REDIC1: variants seen among roughly 807,000 people sequenced by gnomAD.
REDIC1 encodes HEI10 Interacting Protein 1.
the REDIC1 span, among the ~76,000 whole-genome samples, chr12:39,821,764 G>A: frequency 1.3e-5 from 2 of 152,094 alleles, no homozygotes; most frequent in East Asian, 3.9e-4. Context: ...TAATTTCCTT[G>A]GCCAGAACAG....
the REDIC1 span, among the ~76,000 whole-genome samples, chr12:39,905,258 C>A: frequency 1.8e-4 from 27 of 152,016 alleles, no homozygotes; most frequent in South Asian, 5.6e-3. Flanking sequence ...TAGAACACAC[C>A]CTGCATTCAT....
At chr12:39,650,906 T>G in the REDIC1 span, among the ~76,000 whole-genome samples, 16 of 152,336 alleles carry the variant, frequency 1.1e-4, no homozygotes, top group African/African-American at 3.6e-4. The surrounding 1 kb of genome is among the most constrained non-coding windows in gnomAD (Gnocchi z 4.3). Context: ...CTCCATGAAT[T>G]ACTGTTTTCT....
At chr12:39,720,428 G>A in the REDIC1 span, among the ~76,000 whole-genome samples, 5 of 152,054 alleles carry the variant, frequency 3.3e-5, no homozygotes, top group African/African-American at 1.2e-4. Context: ...TTTAAGTGGA[G>A]GAAGTATGCT....
At chr12:39,702,438 A>C in the REDIC1 span, among the ~76,000 whole-genome samples, 1 of 152,214 alleles carries the variant, frequency 6.6e-6, no homozygotes, top group Non-Finnish European at 1.5e-5. Context: ...TGTGGCAATA[A>C]TCAATAGCTT....
At chr12:39,643,318 T>A in the REDIC1 span, among the ~76,000 whole-genome samples, 1 of 151,670 alleles carries the variant, frequency 6.6e-6, no homozygotes, top group African/African-American at 2.4e-5. Context: ...AAATTGGCTT[T>A]GGTTGCAGAT....
chr12:39,820,398 G>T, the REDIC1 span, among the ~76,000 whole-genome samples: 1 of 152,122 alleles, frequency 6.6e-6, no homozygotes, highest in Admixed American at 6.5e-5. Flanking sequence ...ATTGGCATTG[G>T]TTCATGAATG....
the REDIC1 span, among the ~76,000 whole-genome samples, chr12:39,780,179 A>G: frequency 6.6e-6 from 1 of 152,010 alleles, no homozygotes; most frequent in Admixed American, 6.6e-5. Flanking sequence ...TCAAAGCAAT[A>G]GCATCATTAT....
the REDIC1 span, among the ~76,000 whole-genome samples, chr12:39,749,802 A>G: frequency 5.9e-5 from 9 of 152,188 alleles, no homozygotes; most frequent in Admixed American, 4.6e-4. Context: ...TATAAACAGA[A>G]CCAAAGACAA....
the REDIC1 span, among the ~76,000 whole-genome samples, chr12:39,711,753 GCA>G: frequency 0.029 from 2,899 of 100,298 alleles, 222 homozygotes; most frequent in African/African-American, 0.082. Flanking sequence ...GTATACACAT[GCA>G]TGTGTATGTG....
the REDIC1 span, among the ~76,000 whole-genome samples, chr12:39,715,938 G>A: frequency 2.0e-5 from 3 of 151,856 alleles, no homozygotes; most frequent in African/African-American, 7.3e-5. Context: ...CTGCTTTTCG[G>A]GGGTATAAAT....
the REDIC1 span, among the ~76,000 whole-genome samples, chr12:39,692,631 C>G: frequency 6.6e-6 from 1 of 151,732 alleles, no homozygotes; most frequent in South Asian, 2.1e-4. Context: ...ATACAGCATT[C>G]TACTGTATGA....
At chr12:39,762,103 C>T in the REDIC1 span, among the ~76,000 whole-genome samples, 3 of 152,126 alleles carry the variant, frequency 2.0e-5, no homozygotes, top group South Asian at 2.1e-4. Flanking sequence ...ATCCAAAGCA[C>T]GCAAATGCCA....
chr12:39,781,089 T>C, the REDIC1 span, among the ~76,000 whole-genome samples: 78 of 152,194 alleles, frequency 5.1e-4, no homozygotes, highest in East Asian at 1.9e-4. Flanking sequence ...TTAACTGCAA[T>C]TGCCTTTTTT....
chr12:39,721,099 G>C, the REDIC1 span: 4 of 1,613,728 alleles, frequency 2.5e-6, no homozygotes, highest in South Asian at 2.2e-5. Flanking sequence ...GAGTGAATCT[G>C]TAATGGAGGA....
chr12:39,840,291 A>G, the REDIC1 span, among the ~76,000 whole-genome samples: 5 of 152,010 alleles, frequency 3.3e-5, no homozygotes, highest in African/African-American at 1.2e-4. Flanking sequence ...GCCATCTCTC[A>G]GCTGGGCTCT....
At chr12:39,682,674 C>G in the REDIC1 span, 1 of 1,610,912 alleles carries the variant, frequency 6.2e-7, no homozygotes, top group Non-Finnish European at 8.5e-7. Flanking sequence ...ATTGTAGAAG[C>G]ACGGATGAAA....
At chr12:39,752,211 AC>A in the REDIC1 span, among the ~76,000 whole-genome samples, 5 of 152,142 alleles carry the variant, frequency 3.3e-5, no homozygotes, top group African/African-American at 1.2e-4. Context: ...CCTATTAGGA[AC>A]CAAGCCACAC....
the REDIC1 span, among the ~76,000 whole-genome samples, chr12:39,703,647 G>A: frequency 3.3e-5 from 5 of 152,100 alleles, no homozygotes; most frequent in African/African-American, 7.2e-5. Context: ...AAAGAACAAA[G>A]CTGGAGGAAT....
the REDIC1 span, among the ~76,000 whole-genome samples, chr12:39,890,434 A>G: frequency 6.7e-4 from 102 of 152,318 alleles, no homozygotes; most frequent in East Asian, 0.016. Flanking sequence ...AAGGTTGCAG[A>G]TAGAATTAAA....
Sources: allele counts gnomAD v4.1 joint callset (sites outside exome capture counted in the v4.1 genomes callset), GRCh38; gene constraint gnomAD v4.1.1; non-coding constraint Gnocchi (gnomAD v3.1); transcripts MANE v1.5; gene names NCBI Gene and HGNC (gene_info 2026-07-23, HGNC 2026-07-21).